SCN8A: variants seen among roughly 807,000 people sequenced by gnomAD.
SCN8A encodes sodium channel protein type 8 subunit alpha.
In SCN8A, 30 loss-of-function variants were observed where a neutral mutation model predicts 184.1. That is an observed-to-expected ratio of 0.16 (90% CI 0.12 to 0.22). The LOEUF (loss-of-function observed/expected upper bound fraction) is 0.22. SCN8A is among the 10% of genes least tolerant of loss of function. The probability of loss-of-function intolerance (pLI) is 1.00; values close to 1 mark genes in which losing one functional copy is unlikely to be tolerated. For missense variants in SCN8A, 1,057 were observed against 2,498.9 expected (o/e 0.42, Z 12.30); for synonymous variants, 852 against 907.0 (o/e 0.94, Z 1.09).
chr12:51,701,250 G>A (rs1184487223), intron 8 of SCN8A, 43 bp downstream of exon 8: 4 of 1,345,134 alleles, frequency 3.0e-6, no homozygotes, highest in Non-Finnish European at 4.1e-6. Flanking sequence ...TTAAAATAAT[G>A]TACCTGTTAT....
chr12:51,757,640 C>G (rs1469641046), intron 14 of SCN8A, among the ~76,000 whole-genome samples: 2 of 152,182 alleles, frequency 1.3e-5, no homozygotes, highest in Admixed American at 6.5e-5. Context: ...CTAGTCCAAA[C>G]TAGACTAGGC....
intron 1 of SCN8A, among the ~76,000 whole-genome samples, chr12:51,613,228 A>G (rs550675059): frequency 8.5e-5 from 13 of 152,332 alleles, no homozygotes; most frequent in Admixed American, 7.2e-4. Flanking sequence ...CAGGGAAACC[A>G]TCTGAGCCTA....
intron 1 of SCN8A, among the ~76,000 whole-genome samples, chr12:51,649,760 C>A (rs1226933301): frequency 6.6e-6 from 1 of 152,174 alleles, no homozygotes; most frequent in Non-Finnish European, 1.5e-5. Flanking sequence ...ATGGGAGGGG[C>A]TGCTATGAAG....
At chr12:51,666,384 A>G (rs988535063) in intron 2 of SCN8A, among the ~76,000 whole-genome samples, 2 of 152,210 alleles carry the variant, frequency 1.3e-5, no homozygotes, top group Admixed American at 6.5e-5. Context: ...AACTTAGTCA[A>G]TATGCCAGAA....
At chr12:51,784,121 A>G (rs1393141857) in intron 21 of SCN8A, among the ~76,000 whole-genome samples, 1 of 152,216 alleles carries the variant, frequency 6.6e-6, no homozygotes, top group Non-Finnish European at 1.5e-5. Context: ...CAAAATAAGA[A>G]ATATGATCTC....
chr12:51,725,886 C>T (rs770050618), intron 12 of SCN8A, among the ~76,000 whole-genome samples: 1 of 152,186 alleles, frequency 6.6e-6, no homozygotes, highest in Non-Finnish European at 1.5e-5. Flanking sequence ...GATGCATCCA[C>T]AGCCAAGGAT....
chr12:51,655,537 T>C (rs1424761978), intron 1 of SCN8A, among the ~76,000 whole-genome samples: 1 of 151,904 alleles, frequency 6.6e-6, no homozygotes, highest in East Asian at 1.9e-4. Flanking sequence ...GGGACCCAGA[T>C]AAATTTTTTT....
At chr12:51,674,967 C>G (rs1377466992) in intron 2 of SCN8A, among the ~76,000 whole-genome samples, 1 of 152,174 alleles carries the variant, frequency 6.6e-6, no homozygotes, top group African/African-American at 2.4e-5. Context: ...CTGTAAACCA[C>G]TCTGCTTTGC....
intron 12 of SCN8A, among the ~76,000 whole-genome samples, chr12:51,745,496 G>T (rs1942495201): frequency 1.3e-5 from 2 of 152,272 alleles, no homozygotes; most frequent in East Asian, 1.9e-4. Context: ...TCAAATAGAA[G>T]TAAATTTGAC....
intron 15 of SCN8A, among the ~76,000 whole-genome samples, chr12:51,764,081 T>C (rs924757819): frequency 6.6e-6 from 1 of 152,180 alleles, no homozygotes; most frequent in Non-Finnish European, 1.5e-5. Context: ...TTAGAACTTA[T>C]ATTCTTAATA....
At chr12:51,686,296 G>T (rs1245643648) in intron 3 of SCN8A, 72 bp from the exon 4 acceptor site, 20 of 879,644 alleles carry the variant, frequency 2.3e-5, no homozygotes, top group Non-Finnish European at 3.4e-5. Context: ...GATACCCAAT[G>T]GAAATGTGTT....
chr12:51,763,689 T>A (rs950307118), intron 15 of SCN8A, among the ~76,000 whole-genome samples: 17 of 152,180 alleles, frequency 1.1e-4, no homozygotes, highest in African/African-American at 3.9e-4. Context: ...AAAACAGCTG[T>A]CCGTAAACAT....
At chr12:51,701,383 T>C (rs1203677346) in intron 8 of SCN8A, among the ~76,000 whole-genome samples, 176 bp downstream of exon 8, 1 of 152,222 alleles carries the variant, frequency 6.6e-6, no homozygotes, top group Admixed American at 6.5e-5. Context: ...TATCTAAAGT[T>C]GACATTTCAC....
chr12:51,742,675 GTCT>G (rs1942446176), intron 12 of SCN8A, among the ~76,000 whole-genome samples: 2 of 151,710 alleles, frequency 1.3e-5, no homozygotes, highest in Non-Finnish European at 1.5e-5. Context: ...CCTTGAGGTA[GTCT>G]TCTTTTGGTT....
chr12:51,669,527 C>G (rs1167585415), intron 2 of SCN8A, among the ~76,000 whole-genome samples: 2 of 152,182 alleles, frequency 1.3e-5, no homozygotes, highest in Non-Finnish European at 2.9e-5. Flanking sequence ...TGTACTCTGT[C>G]TTTTAGTTTT....
intron 10 of SCN8A, among the ~76,000 whole-genome samples, chr12:51,705,967 A>T (rs781781014): frequency 7.9e-5 from 12 of 152,204 alleles, no homozygotes; most frequent in Non-Finnish European, 1.6e-4. Context: ...CTGTGGTCAT[A>T]AAAAGTATTA....
intron 9 of SCN8A, among the ~76,000 whole-genome samples, chr12:51,704,135 A>G (rs910983381): frequency 2.6e-5 from 4 of 151,776 alleles, no homozygotes; most frequent in Non-Finnish European, 5.9e-5. Context: ...ACCTCAGGTG[A>G]TCCACCTGTC....
At chr12:51,768,364 TTAAAA>T (rs10581694) in intron 16 of SCN8A, among the ~76,000 whole-genome samples, 41,575 of 151,912 alleles carry the variant, frequency 0.27, 6,232 homozygotes, top group Admixed American at 0.34. Context: ...AAATTTGTTC[TTAAAA>T]TATGATGACA....
chr12:51,610,209 C>T (rs1337988092), intron 1 of SCN8A, among the ~76,000 whole-genome samples: 1 of 146,690 alleles, frequency 6.8e-6, no homozygotes, highest in Admixed American at 6.8e-5. Context: ...GCTCTCCCTG[C>T]TCACTCTTGG....
Sources: gnomAD v4.1 joint callset for allele counts (sites outside exome capture counted in the v4.1 genomes callset) on GRCh38, gnomAD v4.1.1 for gene constraint, MANE v1.5 for transcripts, NCBI Gene and HGNC (gene_info 2026-07-23, HGNC 2026-07-21) for gene names.